The following HSD17B2 variants were observed in gnomAD, a reference collection of about 807,000 sequenced individuals.
HSD17B2 encodes the protein 17-beta-hydroxysteroid dehydrogenase type 2.
In HSD17B2, 32 loss-of-function variants were observed where a neutral mutation model predicts 26.9. The observed-to-expected ratio is 1.19, with a 90% CI of 0.90 to 1.60. HSD17B2 has a LOEUF of 1.60. HSD17B2 is among the 40% of genes most tolerant of loss of function. The pLI is 0.00. For synonymous variants in HSD17B2, 246 were observed against 186.7 expected (o/e 1.32, Z -2.59); for missense variants, 613 against 468.6 (o/e 1.31, Z -2.85).
In HSD17B2 at chr16:82,062,798, G is replaced by A. The variant is rs572115143; in HGVS notation, c.266-5372G>A. 3.9e-4 allele frequency among the ~76,000 whole-genome samples: 60 copies of A among 152,302 alleles called. 1 individual carries two copies. The East Asian group carries it at 8.3e-3, about 21-fold the overall frequency. On this transcript the variant is annotated intron_variant, in intron 1 of 4. Coordinates refer to ENST00000199936, the MANE Select transcript of HSD17B2 (RefSeq NM_002153.3). ...TTATGAAACACTTCCAACTTCTCAC[G>A]AAAGCCCTGGCTTTGTTGCCAGGTT...
chr16:82,042,709 C>G (rs975084837), intron 1 of HSD17B2, among the ~76,000 whole-genome samples: 40 of 152,046 alleles, frequency 2.6e-4, no homozygotes, highest in African/African-American at 8.9e-4. Flanking sequence ...GCAACCTCCT[C>G]CTCCTGGGTT....
intron 1 of HSD17B2, among the ~76,000 whole-genome samples, 157 bp downstream of exon 1, chr16:82,035,846 G>GTT (rs5818364): frequency 9.2e-5 from 14 of 152,066 alleles, no homozygotes; most frequent in African/African-American, 2.9e-4. Context: ...TTTTCGTTCC[G>GTT]TTTTTTCCAG....
At chr16:82,093,136 A>G (rs1364636559) in intron 4 of HSD17B2, 2 of 152,214 alleles carry the variant, frequency 1.3e-5, no homozygotes, top group African/African-American at 4.8e-5. Flanking sequence ...ACAAATTATT[A>G]TAAATCCTCT....
At chr16:82,074,889 C>G (rs971854071) in intron 3 of HSD17B2, among the ~76,000 whole-genome samples, 11 of 152,214 alleles carry the variant, frequency 7.2e-5, no homozygotes, top group African/African-American at 2.4e-4. Context: ...CCAAAGGCTG[C>G]AGAATATGCA....
At chr16:82,097,338 ATTATATATGTG>A (rs1567595536) in intron 4 of HSD17B2, 1 of 111,514 alleles carries the variant, frequency 9.0e-6, no homozygotes. Flanking sequence ...ATATATACAC[ATTATATATGTG>A]TACACACACA....
At chr16:82,094,696 G>A (rs1904789362) in intron 4 of HSD17B2, 1 of 152,108 alleles carries the variant, frequency 6.6e-6, no homozygotes, top group Non-Finnish European at 1.5e-5. Context: ...GAATCTTCAG[G>A]GACACAGACA....
At chr16:82,077,715 A>G (rs1402740980) in intron 3 of HSD17B2, among the ~76,000 whole-genome samples, 1 of 151,906 alleles carries the variant, frequency 6.6e-6, no homozygotes, top group Non-Finnish European at 1.5e-5. Context: ...TGGATGACAG[A>G]GTGAGACCCT....
chr16:82,066,317 C>T (rs1443774407), intron 1 of HSD17B2, among the ~76,000 whole-genome samples: 2 of 152,146 alleles, frequency 1.3e-5, no homozygotes, highest in African/African-American at 4.8e-5. Context: ...TAAATGCAAT[C>T]AGTGATGGCA....
chr16:82,068,910 T>G (rs1165402880), intron 2 of HSD17B2, among the ~76,000 whole-genome samples: 1 of 152,228 alleles, frequency 6.6e-6, no homozygotes, highest in Non-Finnish European at 1.5e-5. Flanking sequence ...AGGTTTTTTT[T>G]GTTTTCAACT....
intron 3 of HSD17B2, among the ~76,000 whole-genome samples, chr16:82,085,148 C>T (rs1175473851): frequency 6.6e-6 from 1 of 152,204 alleles, no homozygotes; most frequent in East Asian, 1.9e-4. Context: ...CTGTCTCAGT[C>T]CAGACTGTGG....
intron 3 of HSD17B2, among the ~76,000 whole-genome samples, chr16:82,077,662 T>C (rs991401461): frequency 6.6e-6 from 1 of 151,688 alleles, no homozygotes; most frequent in Admixed American, 6.6e-5. Context: ...CTCAGGGAGA[T>C]AGAGGCTGCA....
chr16:82,066,466 A>G lies in HSD17B2; in HGVS notation c.266-1704A>G, dbSNP rs1396476261. 4.6e-5 allele frequency among the ~76,000 whole-genome samples: 7 copies of G among 152,258 alleles called. No homozygotes were observed. In the East Asian group the frequency reaches 1.4e-3, roughly 29 times the overall value. ...ATCTCTCTCTCTTCCACCTTTTTCT[A>G]CACTTAGAGGACTGACCAGTCTCCA... is the stretch of plus-strand genomic sequence containing the variant. On this transcript the variant is annotated intron_variant, in intron 1 of 4. Transcript: ENST00000199936.
intron 4 of HSD17B2, chr16:82,093,563 C>T (rs868591584): frequency 6.6e-6 from 1 of 152,164 alleles, no homozygotes; most frequent in African/African-American, 2.4e-5. Context: ...CTTTCTGGTA[C>T]ATGTACTTTG....
intron 1 of HSD17B2, among the ~76,000 whole-genome samples, chr16:82,051,910 T>G (rs1255031122): frequency 1.3e-5 from 2 of 152,184 alleles, no homozygotes; most frequent in East Asian, 3.9e-4. Context: ...TAATCTTCCC[T>G]GCTCTCTCCC....
intron 3 of HSD17B2, chr16:82,071,637 T>A (rs754464892): frequency 2.7e-4 from 56 of 209,438 alleles, no homozygotes; most frequent in Non-Finnish European, 5.0e-4. Context: ...GTGATGACAC[T>A]GGATAGTTTG....
rs752464699 is a variant in HSD17B2 at position 82,035,569 on chromosome 16, C to T, written c.145C>T (p.Leu49=). Residue 49 remains leucine (L), a synonymous_variant, in exon 1 of 5, where the codon CTG becomes TTG. Coordinates refer to ENST00000199936, the MANE Select transcript of HSD17B2 (RefSeq NM_002153.3). ...CCTGGCAGGCCTCTGTGCAGTCTGC[C>T]TGCTCATCCTGTCCCCTTTTTGGGG... is the stretch of plus-strand genomic sequence containing the variant. ...VCLAGLCAVC[L]LILSPFWGLI... 6.2e-7 allele frequency: 1 copy of T among 1,614,078 alleles called. No individual in the cohort carries two copies. The highest frequency in any genetic ancestry group is 1.1e-5 in the South Asian group (1 of 91,076).
At chr16:82,093,437 T>C (rs1904748984) in intron 4 of HSD17B2, 1 of 152,258 alleles carries the variant, frequency 6.6e-6, no homozygotes, top group African/African-American at 2.4e-5. Flanking sequence ...TGTGTAGCTG[T>C]AGTCCACTCA....
At chr16:82,047,591 G>A (rs573572939) in intron 1 of HSD17B2, among the ~76,000 whole-genome samples, 25 of 152,322 alleles carry the variant, frequency 1.6e-4, no homozygotes, top group African/African-American at 5.8e-4. Flanking sequence ...GTGAGAAGAG[G>A]CAAGAGGATG....
At chr16:82,061,013 C>A (rs1237383883) in intron 1 of HSD17B2, among the ~76,000 whole-genome samples, 1 of 152,118 alleles carries the variant, frequency 6.6e-6, no homozygotes, top group Non-Finnish European at 1.5e-5. Context: ...GTAATCCCAG[C>A]ACTTTGGAAG....
Sources: gnomAD v4.1 joint callset for allele counts (sites outside exome capture counted in the v4.1 genomes callset) on GRCh38, gnomAD v4.1.1 for gene constraint, MANE v1.5 for transcripts, NCBI Gene and HGNC (gene_info 2026-07-23, HGNC 2026-07-21) for gene names.